JPH3: variants seen among roughly 807,000 people sequenced by gnomAD.
JPH3 encodes the protein junctophilin-3.
JPH3 carries 11 observed loss-of-function variants against 59.6 expected under a neutral mutation model. The observed-to-expected ratio is 0.18, with a 90% CI of 0.12 to 0.31. The LOEUF is 0.31. Ranked by LOEUF, JPH3 falls within the 10% of genes least tolerant of loss-of-function variation. The pLI, the probability that JPH3 is intolerant of heterozygous loss-of-function variation, is 1.00. For missense variants in JPH3, 1,202 were observed against 1,105.7 expected, an observed-to-expected ratio of 1.09 and a Z score of -1.24; for synonymous variants, 673 against 483.6, an observed-to-expected ratio of 1.39 and a Z score of -5.14.
chr16:87,695,731 C>G (rs1039139564), intron 4 of JPH3: 7 of 456,088 alleles, frequency 1.5e-5, no homozygotes, highest in Non-Finnish European at 3.1e-5. Context: ...TCCCTCTCCC[C>G]CTGCCTGGTG....
chr16:87,609,835 A>C (rs1432502010), intron 1 of JPH3, among the ~76,000 whole-genome samples: 3 of 152,038 alleles, frequency 2.0e-5, no homozygotes, highest in African/African-American at 7.2e-5. Context: ...CAATTTTTCT[A>C]CCGCCCAGGG....
intron 1 of JPH3, among the ~76,000 whole-genome samples, chr16:87,625,801 G>A (rs992746967): frequency 2.0e-5 from 3 of 152,078 alleles, no homozygotes; most frequent in Non-Finnish European, 4.4e-5. Context: ...GGGTGGGGAG[G>A]GAAGTGCAGG....
At chr16:87,687,761 C>G (rs1421128976) in intron 3 of JPH3, among the ~76,000 whole-genome samples, 1 of 152,180 alleles carries the variant, frequency 6.6e-6, no homozygotes, top group African/African-American at 2.4e-5. Context: ...GTCGGGGCCC[C>G]TCTAGCGTGG....
intron 3 of JPH3, among the ~76,000 whole-genome samples, chr16:87,686,059 C>T (rs904537870): frequency 2.0e-5 from 3 of 151,800 alleles, no homozygotes; most frequent in African/African-American, 7.3e-5. Context: ...ACTGGAGACT[C>T]CGTGGCTGGA....
chr16:87,681,611 C>A (rs984815865), intron 2 of JPH3, among the ~76,000 whole-genome samples: 5 of 142,720 alleles, frequency 3.5e-5, no homozygotes, highest in Non-Finnish European at 3.0e-5. Context: ...GATGACAGTG[C>A]CGGGAGGTCA....
intron 4 of JPH3, chr16:87,696,296 G>T (rs2033850067): frequency 1.9e-6 from 1 of 523,678 alleles, no homozygotes; most frequent in South Asian, 2.0e-5. Context: ...GGGGACCCTG[G>T]GAGAGCTGGT....
intron 1 of JPH3, chr16:87,604,412 C>A (rs200152122): frequency 7.1e-7 from 1 of 1,409,654 alleles, no homozygotes; most frequent in Admixed American, 2.1e-5. Context: ...CTCCTCAGTG[C>A]ACCTGACACG....
At position 87,644,681 on chromosome 16, in the gene JPH3, C is replaced by G; in HGVS notation, c.806C>G (p.Ala269Gly). 2 of 1,612,004 alleles carry G rather than the reference C, an allele frequency of 1.2e-6. No individual in the cohort carries two copies. Among genetic ancestry groups the G allele is most frequent in the Non-Finnish European group, 1.7e-6 (2 of 1,179,922 alleles). The change falls in exon 2 of 5, where the codon GCT (alanine) becomes GGT (glycine). Residue 269 changes from alanine (A) to glycine (G), a missense_variant. Transcript: ENST00000284262. ...DIHSTISLGEAEAELAVIEDD... is the reference protein window; with the variant it reads ...DIHSTISLGEGEAELAVIEDD... Reference sequence around the variant, plus strand: ...CACTCCACCATCAGCCTGGGCGAGGCTGAGGCCGAGCTGGCGGTCATCGAG... The same window carrying G: ...CACTCCACCATCAGCCTGGGCGAGGGTGAGGCCGAGCTGGCGGTCATCGAG...
At chr16:87,645,199 G>A (rs1462617758) in intron 2 of JPH3, among the ~76,000 whole-genome samples, 164 bp downstream of exon 2, 1 of 152,246 alleles carries the variant, frequency 6.6e-6, no homozygotes, top group East Asian at 1.9e-4. Context: ...GGGTTCCCTG[G>A]AGGTTCTCAG....
chr16:87,682,982 A>G (rs2033331620), intron 2 of JPH3, among the ~76,000 whole-genome samples: 1 of 152,246 alleles, frequency 6.6e-6, no homozygotes, highest in Non-Finnish European at 1.5e-5. Context: ...GACTCAGCAG[A>G]GGGAGAGACA....
At chr16:87,683,648 C>G (rs1459903261) in intron 2 of JPH3, among the ~76,000 whole-genome samples, 1 of 150,184 alleles carries the variant, frequency 6.7e-6, no homozygotes, top group Non-Finnish European at 1.5e-5. Context: ...GCTCTATTAC[C>G]CAAGCTGGAG....
intron 2 of JPH3, among the ~76,000 whole-genome samples, chr16:87,653,307 G>A (rs2032387259): frequency 6.6e-6 from 1 of 152,228 alleles, no homozygotes; most frequent in African/African-American, 2.4e-5. Flanking sequence ...GGGTCTGTGA[G>A]CTGTGCCTTG....
At chr16:87,672,363 C>G (rs1326663928) in intron 2 of JPH3, among the ~76,000 whole-genome samples, 1 of 152,198 alleles carries the variant, frequency 6.6e-6, no homozygotes, top group African/African-American at 2.4e-5. Flanking sequence ...GGCCCTGCTC[C>G]CAGACCCCCG....
At chr16:87,693,852 T>G (rs2142844244) in intron 4 of JPH3, 1 of 152,320 alleles carries the variant, frequency 6.6e-6, no homozygotes, top group Non-Finnish European at 1.5e-5. Context: ...GATGTTTCTC[T>G]CACGTTAACG....
At chr16:87,695,611 C>G in intron 4 of JPH3, 1 of 456,020 alleles carries the variant, frequency 2.2e-6, no homozygotes, top group South Asian at 1.5e-5. Context: ...CCAGCCATTC[C>G]TGGGCTGGGG....
chr16:87,664,445 T>A (rs1370837020), intron 2 of JPH3, among the ~76,000 whole-genome samples: 7 of 149,180 alleles, frequency 4.7e-5, no homozygotes, highest in African/African-American at 1.5e-4. Flanking sequence ...GCCAACATGG[T>A]GAAACCCTGT....
chr16:87,649,696 G>C (rs993795316), intron 2 of JPH3, among the ~76,000 whole-genome samples: 10 of 152,324 alleles, frequency 6.6e-5, no homozygotes, highest in African/African-American at 2.4e-4. Context: ...AGCCGAGCTG[G>C]GGGCGATGGG....
At chr16:87,637,504 G>A (rs1023236232) in intron 1 of JPH3, among the ~76,000 whole-genome samples, 3 of 152,108 alleles carry the variant, frequency 2.0e-5, no homozygotes, top group Non-Finnish European at 2.9e-5. Context: ...TGGGCCTGAA[G>A]TGTGTCCTGT....
chr16:87,653,135 C>G (rs961398795), intron 2 of JPH3, among the ~76,000 whole-genome samples: 1 of 152,206 alleles, frequency 6.6e-6, no homozygotes. Flanking sequence ...ACATTCTTCA[C>G]ACCCAGGCTG....
Sources: allele counts gnomAD v4.1 joint callset (sites outside exome capture counted in the v4.1 genomes callset), GRCh38; gene constraint gnomAD v4.1.1; transcripts MANE v1.5; gene names NCBI Gene and HGNC (gene_info 2026-07-23, HGNC 2026-07-21).